Variants in RANBP2 observed in about 807,000 individuals in gnomAD.
RANBP2 encodes the protein RAN binding protein 2, also known as E3 SUMO-protein ligase RanBP2.
RANBP2 carries 57 observed loss-of-function variants against 303.6 expected under a neutral mutation model. That is an observed-to-expected ratio of 0.19 (90% CI 0.15 to 0.23). The LOEUF is 0.23. RANBP2 is among the 10% of genes least tolerant of loss of function. The pLI is 1.00. For synonymous variants in RANBP2, 1,167 were observed against 1,301.5 expected, an observed-to-expected ratio of 0.90 and a Z score of 2.23; for missense variants, 3,138 against 3,780.8, an observed-to-expected ratio of 0.83 and a Z score of 4.46.
chr2:109,709,821 C>A, the RANBP2 span, among the ~76,000 whole-genome samples: 1 of 152,190 alleles, frequency 6.6e-6, no homozygotes, highest in East Asian at 1.9e-4. Flanking sequence ...GGCACGGTGG[C>A]TCACGCTTGT....
the RANBP2 span, among the ~76,000 whole-genome samples, chr2:109,063,254 AC>A: frequency 6.6e-6 from 1 of 152,082 alleles, no homozygotes; most frequent in African/African-American, 2.4e-5. Context: ...CTGGAGAGCC[AC>A]CCACTCCTGG....
the RANBP2 span, chr2:109,129,635 G>A: frequency 6.7e-7 from 1 of 1,494,898 alleles, no homozygotes; most frequent in East Asian, 2.7e-5. Context: ...GAGCGACGGC[G>A]GCGTCGGGCG....
chr2:109,603,860 C>A, the RANBP2 span, among the ~76,000 whole-genome samples: 1 of 151,980 alleles, frequency 6.6e-6, no homozygotes, highest in East Asian at 2.0e-4. Context: ...ATGGTGAAAC[C>A]GTCTCTAATT....
the RANBP2 span, among the ~76,000 whole-genome samples, chr2:109,482,725 G>A: frequency 6.6e-6 from 1 of 152,180 alleles, no homozygotes; most frequent in Non-Finnish European, 1.5e-5. Context: ...CTGCACCTCC[G>A]GCTGCTTCCT....
chr2:109,516,126 G>A, the RANBP2 span, among the ~76,000 whole-genome samples: 1 of 152,192 alleles, frequency 6.6e-6, no homozygotes, highest in Admixed American at 6.5e-5. Context: ...CATGGGAGCA[G>A]CCTATGAGTC....
Position 108,767,197 on chromosome 2 carries a change from C to A in RANBP2, c.6658C>A (p.Pro2220Thr). 2 of 1,611,982 alleles carry A rather than the reference C, an allele frequency of 1.2e-6. No homozygotes were observed. The highest frequency in any genetic ancestry group is 1.7e-6 in the Non-Finnish European group (2 of 1,179,858). Residue 2220 changes from proline to threonine, a missense_variant, in exon 20 of 29, where the codon CCC (proline) becomes ACC (threonine). Coordinates refer to ENST00000283195, the MANE Select transcript of RANBP2 (RefSeq NM_006267.5). ...AAAACCCAATCCTGAAAACACTGGG[C>A]CCACATTAGAATGGGATAACTATGA... ...TIKPNPENTG[P>T]TLEWDNYDLR...
intron 25 of RANBP2, among the ~76,000 whole-genome samples, chr2:108,777,713 C>A (rs1677984527): frequency 6.6e-6 from 1 of 151,808 alleles, no homozygotes; most frequent in Non-Finnish European, 1.5e-5. Context: ...ATTTTTAATC[C>A]ATTTTGGTAA....
chr2:109,018,426 C>T, the RANBP2 span, among the ~76,000 whole-genome samples: 1 of 152,212 alleles, frequency 6.6e-6, no homozygotes, highest in Admixed American at 6.5e-5. Flanking sequence ...ACCCTGCAGC[C>T]AGGGGGTCTT....
chr2:109,276,289 AG>A, the RANBP2 span, among the ~76,000 whole-genome samples: 1 of 152,214 alleles, frequency 6.6e-6, no homozygotes, highest in South Asian at 2.1e-4. Flanking sequence ...GCTCTAGAAA[AG>A]GGTCACGATT....
At chr2:109,349,251 T>C in the RANBP2 span, among the ~76,000 whole-genome samples, 1 of 152,194 alleles carries the variant, frequency 6.6e-6, no homozygotes, top group Non-Finnish European at 1.5e-5. Context: ...CAGCTGCTAT[T>C]TATGTCTTGT....
the RANBP2 span, among the ~76,000 whole-genome samples, chr2:109,662,326 A>C: frequency 3.3e-5 from 5 of 151,878 alleles, no homozygotes; most frequent in Non-Finnish European, 7.4e-5. Context: ...CACTCTTGTC[A>C]CCCAGGCTGG....
chr2:109,669,934 C>T, the RANBP2 span, among the ~76,000 whole-genome samples: 1 of 150,538 alleles, frequency 6.6e-6, no homozygotes, highest in Non-Finnish European at 1.5e-5. Flanking sequence ...CCCCAAGCGA[C>T]CCCCCACCAC....
At chr2:108,868,323 G>C in the RANBP2 span, among the ~76,000 whole-genome samples, 2 of 152,162 alleles carry the variant, frequency 1.3e-5, no homozygotes, top group African/African-American at 4.8e-5. Flanking sequence ...TTGTAGCTGA[G>C]ATTGGTTATG....
At chr2:108,894,393 C>T in the RANBP2 span, 1 of 152,518 alleles carries the variant, frequency 6.6e-6, no homozygotes, top group Non-Finnish European at 1.5e-5. Context: ...AGGAACAGAG[C>T]AATCAGAACC....
At chr2:109,676,329 A>G in the RANBP2 span, among the ~76,000 whole-genome samples, 5 of 152,292 alleles carry the variant, frequency 3.3e-5, no homozygotes, top group East Asian at 9.7e-4. Context: ...CACTGTCACA[A>G]CGGAAGTGCT....
the RANBP2 span, among the ~76,000 whole-genome samples, chr2:108,936,184 A>G: frequency 6.7e-3 from 1,026 of 152,332 alleles, 10 homozygotes; most frequent in African/African-American, 0.023. Flanking sequence ...GCCACACCTC[A>G]TATCTGTGGG....
At chr2:109,538,951 C>G in the RANBP2 span, among the ~76,000 whole-genome samples, 1 of 152,160 alleles carries the variant, frequency 6.6e-6, no homozygotes, top group African/African-American at 2.4e-5. Flanking sequence ...AGTGATAATA[C>G]TTTTTTGTTT....
At chr2:108,727,376 A>G (rs922355432) in intron 1 of RANBP2, among the ~76,000 whole-genome samples, 3 of 152,220 alleles carry the variant, frequency 2.0e-5, no homozygotes, top group African/African-American at 7.2e-5. Flanking sequence ...CCCAAACTGC[A>G]AAAGTTACAG....
chr2:108,815,960 T>G, the RANBP2 span: 1 of 1,610,606 alleles, frequency 6.2e-7, no homozygotes, highest in Non-Finnish European at 8.5e-7. Context: ...AATGGGCAAG[T>G]TTATGAACTT....
Sources: allele counts gnomAD v4.1 joint callset (sites outside exome capture counted in the v4.1 genomes callset), GRCh38; gene constraint gnomAD v4.1.1; transcripts MANE v1.5; gene names NCBI Gene and HGNC (gene_info 2026-07-23, HGNC 2026-07-21).